HTT: variants seen among roughly 807,000 people sequenced by gnomAD.
The protein encoded by HTT is huntington disease protein.
Under a neutral mutation model 362.3 loss-of-function variants are expected in HTT, and 104 were observed. The observed-to-expected ratio is 0.29, with a 90% confidence interval of 0.24 to 0.34. HTT has a LOEUF of 0.34. Among genes scored for constraint, HTT ranks in the 10% least tolerant of loss-of-function variants. The pLI is 1.00. For synonymous variants in HTT, 1,577 were observed against 1,548.7 expected (o/e 1.02, Z -0.43); for missense variants, 3,301 against 3,928.6 (o/e 0.84, Z 4.27).
chr4:3,084,619 G>A (rs1294241421), intron 1 of HTT, among the ~76,000 whole-genome samples: 1 of 151,658 alleles, frequency 6.6e-6, no homozygotes, highest in Non-Finnish European at 1.5e-5. Flanking sequence ...GAACCCGAGG[G>A]GCAGAGGTTG....
At chr4:3,160,230 T>G in intron 28 of HTT, 52 bp from the exon 29 acceptor site, 590 of 1,149,582 alleles carry the variant, frequency 5.1e-4, no homozygotes, top group Non-Finnish European at 6.9e-4. Context: ...TTGTACATTA[T>G]GAGATCGTGA....
chr4:3,203,006 G>A (rs1378786809), intron 41 of HTT: 1 of 152,160 alleles, frequency 6.6e-6, no homozygotes, highest in Non-Finnish European at 1.5e-5. Flanking sequence ...CGTTGTCTCT[G>A]GGGAAAAAAG....
At chr4:3,166,738 G>T (rs781780231) in intron 29 of HTT, among the ~76,000 whole-genome samples, 1 of 152,256 alleles carries the variant, frequency 6.6e-6, no homozygotes, top group South Asian at 2.1e-4. Flanking sequence ...CGTGGGACCC[G>T]CTGAGCCAGG....
Position 3,208,863 on chromosome 4 carries a change from G to A in HTT, c.6243G>A (p.Pro2081=), listed in dbSNP as rs772294950. ...CCTCTCCTCCAGTCTCTTCCCACCC[G>A]CTGGACGGGGATGGGCACGTGTCAC... ...LSPSPPVSSH[P]LDGDGHVSLE... is the part of the protein sequence containing the mutation. Residue 2081 remains proline, a synonymous_variant, in exon 46 of 67, where the codon CCG becomes CCA. Transcript: ENST00000355072. The A allele has an allele frequency of 2.1e-5, 34 of 1,613,900 alleles. No individual in the cohort carries two copies. Among genetic ancestry groups the A allele is most frequent in the Non-Finnish European group, 2.8e-5 (33 of 1,179,932 alleles).
intron 1 of HTT, among the ~76,000 whole-genome samples, chr4:3,080,665 A>G (rs1421425098): frequency 6.6e-6 from 1 of 152,212 alleles, no homozygotes; most frequent in African/African-American, 2.4e-5. Context: ...ATATCTAAGA[A>G]ATCATTGTCT....
intron 1 of HTT, among the ~76,000 whole-genome samples, chr4:3,075,532 G>T (rs1212747317): frequency 6.6e-6 from 1 of 152,082 alleles, no homozygotes; most frequent in Non-Finnish European, 1.5e-5. Context: ...AGTCTGAGAG[G>T]GAAGAGGGCT....
Position 3,208,780 on chromosome 4 carries a change from A to C in HTT, c.6160A>C (p.Arg2054=). The change falls in exon 46 of 67, where the codon AGG becomes CGG. Residue 2054 remains arginine (R), a synonymous_variant. Coordinates refer to ENST00000355072, the MANE Select transcript of HTT (RefSeq NM_001388492.1). ...QSSGLAQRHQ[R]LYSLLDRFRL... is the part of the protein sequence containing the mutation. Reference sequence around the variant, plus strand: ...TTTTTATTTGTATTTTAGACACCAAAGGCTCTATTCCCTGCTGGACAGGTT... The same window carrying C: ...TTTTTATTTGTATTTTAGACACCAACGGCTCTATTCCCTGCTGGACAGGTT... The C allele has an allele frequency of 6.2e-7, 1 of 1,603,332 alleles. No individual in the cohort carries two copies. Among genetic ancestry groups the C allele is most frequent in the Non-Finnish European group, 8.5e-7 (1 of 1,177,036 alleles).
chr4:3,239,829 C>A lies in HTT; in HGVS notation c.9216-17C>A. ...TTCCCCTCATTTGCCGGCCTTTTTC[C>A]TTAACTCCTGCACCAGCCTCCCACA... On this transcript the variant is annotated splice_polypyrimidine_tract_variant and intron_variant, in intron 66 of 66. Coordinates refer to ENST00000355072, the MANE Select transcript of HTT (RefSeq NM_001388492.1). 6.5e-7 allele frequency: 1 copy of A among 1,549,742 alleles called. No individual in the cohort carries two copies. Among genetic ancestry groups the A allele is most frequent in the South Asian group, 1.2e-5 (1 of 84,030 alleles).
At chr4:3,152,909 C>A (rs897953985) in intron 26 of HTT, among the ~76,000 whole-genome samples, 3 of 151,700 alleles carry the variant, frequency 2.0e-5, no homozygotes, top group Non-Finnish European at 4.4e-5. Context: ...CCTCGGCCTC[C>A]CAAAGTGCTG....
In HTT at chr4:3,218,589, C is replaced by T. The variant is rs539219317; in HGVS notation, c.7242+637C>T. ...CGAAGGTTGCAGTAAGCCGAGATCG[C>T]GCCACTGCACTCTAGCCTGGGCAAC... is the stretch of plus-strand genomic sequence containing the variant. On this transcript the variant is annotated intron_variant, in intron 52 of 66. Coordinates refer to ENST00000355072, the MANE Select transcript of HTT (RefSeq NM_001388492.1). This position sits in a 1 kb window ranked among gnomAD's most constrained non-coding sequence, Gnocchi z 4.4. Among the ~76,000 whole-genome samples, 2 of 151,828 alleles carry T rather than the reference C, an allele frequency of 1.3e-5. No homozygotes were observed. Among genetic ancestry groups the T allele is most frequent in the South Asian group, 2.1e-4 (1 of 4,786 alleles).
At chr4:3,097,236 C>A (rs1713899441) in intron 2 of HTT, among the ~76,000 whole-genome samples, 1 of 152,124 alleles carries the variant, frequency 6.6e-6, no homozygotes, top group South Asian at 2.1e-4. Context: ...TCATCAAGAA[C>A]ATCAATAAAT....
chr4:3,178,149 G>A lies in HTT; in HGVS notation c.4464-149G>A, dbSNP rs998824587. The A allele has an allele frequency of 6.3e-6, 4 of 636,648 alleles. No homozygotes were observed. In the South Asian group the frequency reaches 7.8e-5, roughly 12 times the overall value. 39.4% of individuals were successfully genotyped at this position (636,648 alleles called of 1,614,324 possible). On this transcript the variant is annotated intron_variant, in intron 34 of 66. Coordinates refer to ENST00000355072, the MANE Select transcript of HTT (RefSeq NM_001388492.1). ...GAGGGCACAGATGGGATGCACTGTG[G>A]CAGGGGTGGGGTTAGAGTAGATCAC...
At chr4:3,128,549 G>A (rs2110185727) in intron 12 of HTT, 1 of 152,228 alleles carries the variant, frequency 6.6e-6, no homozygotes. Context: ...CAGATCTGTG[G>A]TCTTAATGAA....
chr4:3,188,915 A>G (rs780186739), intron 39 of HTT, 36 bp from the exon 40 acceptor site: 2 of 1,604,082 alleles, frequency 1.2e-6, no homozygotes, highest in African/African-American at 2.7e-5. Context: ...TATAGTAGTC[A>G]CCTAATTCAC....
In HTT at chr4:3,148,506, A is replaced by G. The variant is rs192500650; in HGVS notation, c.3498+299A>G. ...CTCTCTACTAAAAATACAAAAAATT[A>G]GATGGGTTGGGCCGGGCGTGGTGGC... On this transcript the variant is annotated intron_variant, in intron 26 of 66. Transcript: ENST00000355072. Among the ~76,000 whole-genome samples, 16 of 152,190 alleles carry G rather than the reference A, an allele frequency of 1.1e-4. No individual in the cohort carries two copies. The East Asian group carries it at 2.9e-3, about 28-fold the overall frequency.
At chr4:3,235,233 C>G in intron 61 of HTT, 51 bp from the exon 62 acceptor site, 1 of 1,272,794 alleles carries the variant, frequency 7.9e-7, no homozygotes, top group Non-Finnish European at 1.1e-6. Flanking sequence ...GTGAAGCCCT[C>G]TCCACGTTGG....
intron 14 of HTT, 52 bp from the exon 15 acceptor site, chr4:3,131,234 A>G: frequency 7.8e-7 from 1 of 1,281,034 alleles, no homozygotes; most frequent in Non-Finnish European, 1.1e-6. Context: ...GAACTAATGC[A>G]TGAATGTATT....
rs1227930267 is a variant in HTT at position 3,179,617 on chromosome 4, C to T, written c.4613-898C>T. 2.0e-5 allele frequency among the ~76,000 whole-genome samples: 3 copies of T among 149,018 alleles called. 1 individual carries two copies. Among genetic ancestry groups the T allele is most frequent in the Non-Finnish European group, 4.5e-5 (3 of 67,340 alleles). On this transcript the variant is annotated intron_variant, in intron 35 of 66. Transcript: ENST00000355072. ...TGTGTGTGTGTACGTGTGTGTGTGT[C>T]ACTGAGGGGTCAGAGTGTGCCTGTG... is the stretch of plus-strand genomic sequence containing the variant.
chr4:3,199,853 G>A lies in HTT; in HGVS notation c.5490G>A (p.Pro1830=), dbSNP rs746742974. Residue 1830 remains proline, a synonymous_variant, in exon 41 of 67, where the codon CCG becomes CCA. Coordinates refer to ENST00000355072, the MANE Select transcript of HTT (RefSeq NM_001388492.1). ...CTCGTTCCATGATCACCACCCACCCGGCCCTGGTGCTGCTCTGGTGTCAGA... is the reference window on the plus strand; with the variant it reads ...CTCGTTCCATGATCACCACCCACCCAGCCCTGGTGCTGCTCTGGTGTCAGA... ...LRARSMITTH[P]ALVLLWCQIL... 7.4e-6 allele frequency: 12 copies of A among 1,613,846 alleles called. No homozygotes were observed. The highest frequency in any genetic ancestry group is 1.6e-4 in the Middle Eastern group (1 of 6,084).
Sources: allele counts gnomAD v4.1 joint callset (sites outside exome capture counted in the v4.1 genomes callset), GRCh38; gene constraint gnomAD v4.1.1; non-coding constraint Gnocchi (gnomAD v3.1); transcripts MANE v1.5; gene names NCBI Gene and HGNC (gene_info 2026-07-23, HGNC 2026-07-21).